Variants in ARNT observed in about 807,000 individuals in gnomAD.
ARNT encodes aryl hydrocarbon receptor nuclear translocator.
In ARNT, 30 loss-of-function variants were observed where a neutral mutation model predicts 105.0. The observed-to-expected ratio is 0.29, with a 90% CI of 0.21 to 0.39. The LOEUF (loss-of-function observed/expected upper bound fraction) is 0.39. Among genes scored for constraint, ARNT ranks in the 10% least tolerant of loss-of-function variants. The probability of loss-of-function intolerance (pLI) is 1.00; values close to 1 mark genes in which losing one functional copy is unlikely to be tolerated. For synonymous variants in ARNT, 304 were observed against 344.0 expected, an observed-to-expected ratio of 0.88 and a Z score of 1.29; for missense variants, 748 against 978.7, an observed-to-expected ratio of 0.76 and a Z score of 3.15.
At chr1:150,864,770 AAAT>A (rs1553227542) in intron 1 of ARNT, among the ~76,000 whole-genome samples, 44 of 79,420 alleles carry the variant, frequency 5.5e-4, no homozygotes, top group South Asian at 3.1e-3. Flanking sequence ...AATAAAAAAT[AAAT>A]AAATAAATAA....
chr1:150,832,055 T>C lies in ARNT; in HGVS notation c.870-152A>G, dbSNP rs1327285281. The C allele has an allele frequency of 8.5e-6, 6 of 707,642 alleles. No homozygotes were observed. In the East Asian group the frequency reaches 1.4e-4, roughly 16 times the overall value. 43.8% of individuals were successfully genotyped at this position (707,642 alleles called of 1,614,324 possible). ...CCACCCAAAAATGACCGCCACATTT[T>C]TACCCTTGCCAAAGTAAAGTAACCA... On this transcript the variant is annotated intron_variant, in intron 9 of 21. Transcript: ENST00000358595.
At chr1:150,844,713 TA>T (rs201448376) in intron 4 of ARNT, among the ~76,000 whole-genome samples, 1,595 of 151,242 alleles carry the variant, frequency 0.011, 22 homozygotes, top group African/African-American at 0.036. Context: ...AAGAATTTAA[TA>T]AAAAAAAGTA....
At chr1:150,825,647 G>A (rs587636187) in intron 13 of ARNT, among the ~76,000 whole-genome samples, 7 of 152,104 alleles carry the variant, frequency 4.6e-5, no homozygotes, top group African/African-American at 1.7e-4. Flanking sequence ...TCAGGAGATC[G>A]AGACCATCCT....
At chr1:150,824,458 CTTTTTTT>C (rs923773809) in intron 13 of ARNT, among the ~76,000 whole-genome samples, 1 of 138,576 alleles carries the variant, frequency 7.2e-6, no homozygotes, top group African/African-American at 2.6e-5. Context: ...TTTTCTTTTT[CTTTTTTT>C]TTTTTTTTGA....
chr1:150,829,430 A>C, intron 11 of ARNT: 1 of 616,490 alleles, frequency 1.6e-6, no homozygotes, highest in Non-Finnish European at 2.9e-6. Context: ...ATACATTTAC[A>C]CTTTACCAAG....
intron 1 of ARNT, among the ~76,000 whole-genome samples, chr1:150,863,136 G>A (rs1001135332): frequency 1.3e-5 from 2 of 151,926 alleles, no homozygotes; most frequent in South Asian, 2.1e-4. Flanking sequence ...GGCTGAGGTG[G>A]GTAGATCACT....
chr1:150,858,242 A>T, intron 2 of ARNT, 107 bp downstream of exon 2: 1 of 774,894 alleles, frequency 1.3e-6, no homozygotes, highest in Non-Finnish European at 2.2e-6. Context: ...AATCAAGTTG[A>T]AGTGAGATGG....
chr1:150,816,928 G>C, intron 17 of ARNT, 38 bp from the exon 18 acceptor site: 1 of 1,605,682 alleles, frequency 6.2e-7, no homozygotes, highest in Non-Finnish European at 8.5e-7. Context: ...GCCAGTCAAG[G>C]GGCTGTAGTA....
intron 7 of ARNT, among the ~76,000 whole-genome samples, chr1:150,835,883 T>C (rs1364590391): frequency 6.6e-6 from 1 of 151,804 alleles, no homozygotes; most frequent in Non-Finnish European, 1.5e-5. Flanking sequence ...ACCATATCTA[T>C]AGAATAAAAA....
intron 4 of ARNT, among the ~76,000 whole-genome samples, chr1:150,842,671 C>T (rs919526878): frequency 6.6e-6 from 1 of 151,864 alleles, no homozygotes; most frequent in African/African-American, 2.4e-5. Context: ...TAGGCAGGAA[C>T]CTTGCCTGTA....
At position 150,876,531 on chromosome 1, in the gene ARNT, C is replaced by T. The variant is rs970856190; in HGVS notation, c.25+12G>A. 8.7e-5 allele frequency: 135 copies of T among 1,551,202 alleles called. No individual in the cohort carries two copies. The highest frequency in any genetic ancestry group is 1.2e-4 in the Non-Finnish European group (133 of 1,147,950). On this transcript the variant is annotated intron_variant, in intron 1 of 21. Coordinates refer to ENST00000358595, the MANE Select transcript of ARNT (RefSeq NM_001668.4). ...TCCCCTTTAGAGGCGCCCCAGTCCT[C>T]CGTCTCCTCACCGGGGTTGGCAGTA... is the stretch of plus-strand genomic sequence containing the variant.
rs587599025 is a variant in ARNT, at chr1:150,813,428, A to G, written c.2114-90T>C. The stretch of plus-strand genomic sequence containing the variant: ...ACAAGTAAACAACTATAGGTAAGCC[A>G]TTAATTTTACCTAGGATAACTCTGT... On this transcript the variant is annotated intron_variant, in intron 20 of 21. Transcript: ENST00000358595. 108 of 1,347,684 alleles carry G rather than the reference A, an allele frequency of 8.0e-5. No homozygotes were observed. The East Asian group carries it at 1.6e-3, about 20-fold the overall frequency. 83.5% of individuals were successfully genotyped at this position (1,347,684 alleles called of 1,614,324 possible). A position where few individuals can be genotyped will look rare whatever the true frequency, so the allele number is the denominator to read the frequency against.
intron 2 of ARNT, among the ~76,000 whole-genome samples, chr1:150,854,844 C>CCTAG (rs1664288946): frequency 9.4e-6 from 1 of 106,928 alleles, no homozygotes; most frequent in Admixed American, 1.4e-4. Context: ...GCAACAAGAG[C>CCTAG]GAAACTACAT....
At chr1:150,851,043 G>A (rs1404809721) in intron 3 of ARNT, among the ~76,000 whole-genome samples, 11 of 145,900 alleles carry the variant, frequency 7.5e-5, no homozygotes, top group South Asian at 4.4e-4. Flanking sequence ...GAGCCCCTCC[G>A]CCCGGCAGCC....
chr1:150,842,828 A>T (rs1434565854), intron 4 of ARNT, among the ~76,000 whole-genome samples: 1 of 152,220 alleles, frequency 6.6e-6, no homozygotes, highest in Admixed American at 6.5e-5. Flanking sequence ...CCAAAGATAT[A>T]CAGAGTCTGA....
rs1654587605 is a variant in ARNT, at chr1:150,810,802, T to C, written c.*1219A>G. ...ATACGGAATTATGATACTTGCACTC[T>C]AAAGCAAAACCCAATCTCAAGATTG... On this transcript the variant is annotated 3_prime_UTR_variant, in exon 22 of 22. Coordinates refer to ENST00000358595, the MANE Select transcript of ARNT (RefSeq NM_001668.4). 2 of 222,330 alleles carry C rather than the reference T, an allele frequency of 9.0e-6. No individual in the cohort carries two copies. The highest frequency in any genetic ancestry group is 1.8e-5 in the Non-Finnish European group (2 of 110,858). The allele number at this position is 222,330 out of a possible 1,614,324, so 13.8% of individuals were successfully genotyped here. A position where few individuals can be genotyped will look rare whatever the true frequency, so the allele number is the denominator to read the frequency against.
chr1:150,861,329 C>CA (rs139885151), intron 1 of ARNT: 43,724 of 360,078 alleles, frequency 0.12, 2,239 homozygotes, highest in African/African-American at 0.23. Flanking sequence ...GACAACATCG[C>CA]AAAAAAAAAA....
chr1:150,851,428 G>C (rs1359190041), intron 3 of ARNT, among the ~76,000 whole-genome samples: 2 of 152,272 alleles, frequency 1.3e-5, no homozygotes, highest in Admixed American at 1.3e-4. Flanking sequence ...AGGGGGAAAT[G>C]TGGGGAAAAG....
chr1:150,834,555 C>G lies in ARNT; in HGVS notation c.786G>C (p.Ser262=), dbSNP rs746660811. ...ACACTCACCTCATTCGGCAAATAAA[C>G]GATCTCCTTGAGCCCATACACATTC... ...SMRMCMGSRR[S]FICRMRCGSS... is the part of the protein sequence containing the mutation. Residue 262 remains serine (S), a synonymous_variant, in exon 8 of 22, where the codon TCG becomes TCC. Coordinates refer to ENST00000358595, the MANE Select transcript of ARNT (RefSeq NM_001668.4). 1.9e-5 allele frequency: 31 copies of G among 1,613,740 alleles called. No individual in the cohort carries two copies. The Admixed American group carries it at 4.3e-4, about 23-fold the overall frequency.
Sources: allele counts gnomAD v4.1 joint callset (sites outside exome capture counted in the v4.1 genomes callset), GRCh38; gene constraint gnomAD v4.1.1; transcripts MANE v1.5; gene names NCBI Gene and HGNC (gene_info 2026-07-23, HGNC 2026-07-21).